The following SNW1 variants were observed in gnomAD, a reference collection of about 807,000 sequenced individuals.
SNW1 encodes SNW domain containing 1, also known as SNW domain-containing protein 1.
A neutral mutation model predicts 75.6 loss-of-function variants in SNW1; 9 were observed. The observed-to-expected ratio is 0.12, with a 90% CI of 0.07 to 0.21. The LOEUF (loss-of-function observed/expected upper bound fraction) is 0.21, where lower values mean the gene tolerates loss of function less well. Among genes scored for constraint, SNW1 ranks in the 10% least tolerant of loss-of-function variants. The pLI is 1.00. For synonymous variants in SNW1, 200 were observed against 219.1 expected (o/e 0.91, Z 0.77); for missense variants, 409 against 670.9 (o/e 0.61, Z 4.31).
chr14:77,745,068 A>C (rs1445489259), intron 3 of SNW1, among the ~76,000 whole-genome samples: 1 of 152,226 alleles, frequency 6.6e-6, no homozygotes, highest in South Asian at 2.1e-4. Context: ...AAGGCACCAA[A>C]GACGGAAATA....
intron 2 of SNW1, among the ~76,000 whole-genome samples, chr14:77,751,807 C>G (rs535115792): frequency 0.025 from 1,526 of 61,014 alleles, 8 homozygotes; most frequent in Non-Finnish European, 0.035. Context: ...CATGGGAAGA[C>G]ACACACACAC....
At chr14:77,753,905 A>G (rs914638317) in intron 2 of SNW1, among the ~76,000 whole-genome samples, 1 of 151,754 alleles carries the variant, frequency 6.6e-6, no homozygotes, top group Non-Finnish European at 1.5e-5. Flanking sequence ...GTGAGCCAAG[A>G]TCGCACCACT....
rs575078820 is a variant in SNW1 at position 77,726,814 on chromosome 14, C to CA, written c.1034-3538dup. ...GGGTGACAAGAGTGAGACTCCGTCT[C>CA]AAAAAAAAAAAACCTTTATTCCTAG... On this transcript the variant is annotated intron_variant, in intron 10 of 13. Coordinates refer to ENST00000261531, the MANE Select transcript of SNW1 (RefSeq NM_012245.3). Among the ~76,000 whole-genome samples the CA allele has an allele frequency of 3.1e-3, 410 of 131,644 alleles. 1 individual carries two copies. Among genetic ancestry groups the CA allele is most frequent in the African/African-American group, 5.9e-3 (211 of 35,910 alleles). 86.4% of individuals were successfully genotyped at this position (131,644 alleles called of 152,430 possible). A position where few individuals can be genotyped will look rare whatever the true frequency, so the allele number is the denominator to read the frequency against.
In SNW1 at chr14:77,717,945, C is replaced by CT; in HGVS notation, c.*142_*143insA. ...TCAAAGTAGAATTTTCTATCCCCCC[C>CT]ATTTCTCCAGTAATAAAAAGTAGTG... On this transcript the variant is annotated 3_prime_UTR_variant, in exon 14 of 14. Coordinates refer to ENST00000261531, the MANE Select transcript of SNW1 (RefSeq NM_012245.3). 1 of 710,374 alleles carries CT rather than the reference C, an allele frequency of 1.4e-6. No homozygotes were observed. Among genetic ancestry groups the CT allele is most frequent in the Non-Finnish European group, 2.3e-6 (1 of 434,264 alleles). 44.0% of individuals were successfully genotyped at this position (710,374 alleles called of 1,614,324 possible).
chr14:77,734,736 C>CA (rs5809849), intron 8 of SNW1, among the ~76,000 whole-genome samples: 27 of 147,100 alleles, frequency 1.8e-4, no homozygotes, highest in Admixed American at 4.7e-4. Flanking sequence ...GACTCCGTCT[C>CA]AAAAAAAAAA....
chr14:77,760,779 A>T, intron 1 of SNW1: 1 of 705,326 alleles, frequency 1.4e-6, no homozygotes, highest in Non-Finnish European at 2.6e-6. Flanking sequence ...TACCGTCACC[A>T]ACCCCATCTC....
chr14:77,725,908 G>A (rs1021238111), intron 10 of SNW1, among the ~76,000 whole-genome samples: 4 of 152,092 alleles, frequency 2.6e-5, no homozygotes, highest in Non-Finnish European at 5.9e-5. Context: ...AGAGTGAGAC[G>A]TTGTCTCCAA....
intron 3 of SNW1, among the ~76,000 whole-genome samples, chr14:77,750,284 G>A (rs1450230263): frequency 1.3e-5 from 2 of 152,142 alleles, no homozygotes; most frequent in Admixed American, 6.5e-5. Context: ...AGTAAAAGTC[G>A]AGGAAAAAGG....
intron 9 of SNW1, among the ~76,000 whole-genome samples, chr14:77,731,383 T>C (rs2080625815): frequency 6.6e-6 from 1 of 152,210 alleles, no homozygotes; most frequent in South Asian, 2.1e-4. Flanking sequence ...AGTCAAGTAT[T>C]TCACTAATGC....
chr14:77,726,864 T>C lies in SNW1; in HGVS notation c.1034-3587A>G, dbSNP rs2080589906. Among the ~76,000 whole-genome samples, 3 of 152,220 alleles carry C rather than the reference T, an allele frequency of 2.0e-5. No individual in the cohort carries two copies. The South Asian group carries it at 6.2e-4, about 32-fold the overall frequency. ...GGTAGTTTTTGGTAGCTATTATAAA[T>C]GGGACTGCCTTCTTGTTTTTCAGCT... On this transcript the variant is annotated intron_variant, in intron 10 of 13. Coordinates refer to ENST00000261531, the MANE Select transcript of SNW1 (RefSeq NM_012245.3).
At chr14:77,752,123 T>G (rs1179147691) in intron 2 of SNW1, among the ~76,000 whole-genome samples, 1 of 152,204 alleles carries the variant, frequency 6.6e-6, no homozygotes, top group Non-Finnish European at 1.5e-5. Flanking sequence ...GTATATATTT[T>G]AGCATATAAA....
At chr14:77,733,742 C>CAAAA (rs35483765) in intron 8 of SNW1, among the ~76,000 whole-genome samples, 37 of 64,852 alleles carry the variant, frequency 5.7e-4, no homozygotes, top group South Asian at 1.6e-3. Flanking sequence ...GAGACCGTCT[C>CAAAA]AAAAAAAAAA....
chr14:77,754,226 T>C (rs1375110823), intron 2 of SNW1, among the ~76,000 whole-genome samples: 1 of 151,684 alleles, frequency 6.6e-6, no homozygotes, highest in Non-Finnish European at 1.5e-5. Context: ...GTATTTTTAG[T>C]AGAGACAGGG....
intron 10 of SNW1, among the ~76,000 whole-genome samples, chr14:77,726,796 A>G (rs544594357): frequency 1.3e-5 from 2 of 152,076 alleles, no homozygotes; most frequent in East Asian, 3.9e-4. Flanking sequence ...CCTGGGTGAC[A>G]AGAGTGAGAC....
chr14:77,721,007 T>A (rs1249866263), intron 11 of SNW1, 179 bp from the exon 12 acceptor site: 3 of 579,898 alleles, frequency 5.2e-6, no homozygotes. Flanking sequence ...GCATTTCAGA[T>A]TAGAGGGAGA....
chr14:77,747,446 G>A (rs953822596), intron 3 of SNW1, among the ~76,000 whole-genome samples: 3 of 148,634 alleles, frequency 2.0e-5, no homozygotes, highest in Non-Finnish European at 3.0e-5. Flanking sequence ...ACCTCTTCCC[G>A]GCCGCCATCC....
intron 10 of SNW1, among the ~76,000 whole-genome samples, chr14:77,729,606 T>C (rs955419908): frequency 1.3e-5 from 2 of 152,194 alleles, no homozygotes; most frequent in Non-Finnish European, 2.9e-5. Context: ...AGATCTAATA[T>C]ACTGTATGTT....
intron 1 of SNW1, chr14:77,760,707 G>A (rs1225680410): frequency 1.4e-6 from 1 of 701,150 alleles, no homozygotes; most frequent in Admixed American, 2.0e-5. Context: ...ACCACCACAG[G>A]CAAACGGCCG....
At chr14:77,754,819 G>A in intron 2 of SNW1, 148 bp downstream of exon 2, 2 of 673,094 alleles carry the variant, frequency 3.0e-6, no homozygotes, top group South Asian at 4.9e-5. Flanking sequence ...ATCTTCTGAG[G>A]GAAATATACA....
Sources: gnomAD v4.1 joint callset for allele counts (sites outside exome capture counted in the v4.1 genomes callset) on GRCh38, gnomAD v4.1.1 for gene constraint, MANE v1.5 for transcripts, NCBI Gene and HGNC (gene_info 2026-07-23, HGNC 2026-07-21) for gene names.